Variants in RFC2 observed in about 807,000 individuals in gnomAD.
RFC2 encodes replication factor C subunit 2.
Under a neutral mutation model 44.8 loss-of-function variants are expected in RFC2, and 34 were observed. The observed-to-expected ratio is 0.76, with a 90% CI of 0.58 to 1.01. The LOEUF is 1.01. RFC2 is among the 50% of genes least tolerant of loss of function. RFC2 has a pLI of 0.00. For missense variants in RFC2, 400 were observed against 453.6 expected, an observed-to-expected ratio of 0.88 and a Z score of 1.07; for synonymous variants, 177 against 168.9, an observed-to-expected ratio of 1.05 and a Z score of -0.37.
intron 6 of RFC2, among the ~76,000 whole-genome samples, chr7:74,241,773 A>G (rs1432359900): frequency 6.6e-6 from 1 of 152,176 alleles, no homozygotes; most frequent in Non-Finnish European, 1.5e-5. Flanking sequence ...CAGCCTGGGC[A>G]ACATGGTGAA....
At chr7:74,234,297 T>G (rs1802887884) in intron 10 of RFC2, among the ~76,000 whole-genome samples, 1 of 152,010 alleles carries the variant, frequency 6.6e-6, no homozygotes, top group East Asian at 1.9e-4. Flanking sequence ...AGTTTCCAAG[T>G]GGTAGTCGGG....
At chr7:74,248,333 C>T (rs912414682) in intron 4 of RFC2, among the ~76,000 whole-genome samples, 3 of 151,812 alleles carry the variant, frequency 2.0e-5, no homozygotes, top group Non-Finnish European at 2.9e-5. Flanking sequence ...AGTGAGATCC[C>T]GTCTCCACAA....
chr7:74,243,166 T>C lies in RFC2; in HGVS notation c.515A>G (p.Asn172Ser), dbSNP rs782411584. ...SKTTRFALAC[N>S]ASDKIIEPIQ... is the part of the protein sequence containing the mutation. ...CTCACCGATGATCTTATCCGAAGCA[T>C]TACAAGCAAGGGCGAAGCGAGTGGT... The change falls in exon 6 of 11, where the codon AAT (asparagine) becomes AGT (serine). Residue 172 changes from asparagine to serine, a missense_variant. Physicochemically the swap from Asn to Ser is conservative, Grantham distance 46. Coordinates refer to ENST00000055077, the MANE Select transcript of RFC2 (RefSeq NM_181471.3). 2 of 1,613,428 alleles carry C rather than the reference T, an allele frequency of 1.2e-6. No homozygotes were observed. Among genetic ancestry groups the C allele is most frequent in the Admixed American group, 1.7e-5 (1 of 59,982 alleles).
intron 4 of RFC2, 62 bp downstream of exon 4, chr7:74,248,949 GT>G: frequency 1.7e-6 from 2 of 1,152,472 alleles, no homozygotes; most frequent in Non-Finnish European, 2.6e-6. Context: ...GAGAAAGGTT[GT>G]TTCTGTAACA....
intron 2 of RFC2, among the ~76,000 whole-genome samples, chr7:74,252,015 C>T (rs1413475097): frequency 7.1e-6 from 1 of 140,326 alleles, no homozygotes; most frequent in South Asian, 2.3e-4. Context: ...AGGAGAATGG[C>T]GTGAACCCAG....
chr7:74,231,870 G>C lies in RFC2; in HGVS notation c.*236C>G. 1 of 364,078 alleles carries C rather than the reference G, an allele frequency of 2.7e-6. No individual in the cohort carries two copies. Among genetic ancestry groups the C allele is most frequent in the Non-Finnish European group, 5.0e-6 (1 of 199,906 alleles). 22.6% of individuals were successfully genotyped at this position (364,078 alleles called of 1,614,324 possible). A position where few individuals can be genotyped will look rare whatever the true frequency, so the allele number is the denominator to read the frequency against. On this transcript the variant is annotated 3_prime_UTR_variant, in exon 11 of 11. Transcript: ENST00000055077. ...AATTTTTATATTTTTAGTAAAGACAGGGTTTCCCCATGTTGGCCAGGCTGG... is the reference window on the plus strand; with the variant it reads ...AATTTTTATATTTTTAGTAAAGACACGGTTTCCCCATGTTGGCCAGGCTGG...
intron 5 of RFC2, among the ~76,000 whole-genome samples, chr7:74,244,309 T>C (rs999373416): frequency 2.0e-5 from 3 of 151,284 alleles, no homozygotes; most frequent in Admixed American, 6.6e-5. Context: ...TATTAATATA[T>C]TCTAAATTTT....
Position 74,254,262 on chromosome 7 carries a change from G to C in RFC2, c.113+9C>G, listed in dbSNP as rs781934521. 6.2e-7 allele frequency: 1 copy of C among 1,600,322 alleles called. No individual in the cohort carries two copies. The highest frequency in any genetic ancestry group is 8.6e-7 in the Non-Finnish European group (1 of 1,168,324). ...AAACGCGCCCATTCTTTACGGCCTGGGACCTCACCACGGCAGTTCGTAGTG... is the reference window on the plus strand; with the variant it reads ...AAACGCGCCCATTCTTTACGGCCTGCGACCTCACCACGGCAGTTCGTAGTG... On this transcript the variant is annotated intron_variant, in intron 1 of 10. Coordinates refer to ENST00000055077, the MANE Select transcript of RFC2 (RefSeq NM_181471.3).
intron 2 of RFC2, among the ~76,000 whole-genome samples, chr7:74,251,028 C>G (rs1786908263): frequency 6.6e-6 from 1 of 152,190 alleles, no homozygotes; most frequent in Non-Finnish European, 1.5e-5. Flanking sequence ...CTTAGGTGAT[C>G]CACTCGCCTT....
chr7:74,243,075 C>T, intron 6 of RFC2, 71 bp downstream of exon 6: 1 of 977,796 alleles, frequency 1.0e-6, no homozygotes, highest in South Asian at 1.3e-5. Context: ...AGAGGGAGAC[C>T]ACATCTATAA....
intron 6 of RFC2, among the ~76,000 whole-genome samples, chr7:74,240,670 C>A (rs797030997): frequency 3.3e-5 from 5 of 152,332 alleles, no homozygotes; most frequent in African/African-American, 1.2e-4. Context: ...AGAAACACAT[C>A]CATGTGCCTG....
At chr7:74,244,955 C>T (rs782721219) in intron 5 of RFC2, among the ~76,000 whole-genome samples, 10 of 151,738 alleles carry the variant, frequency 6.6e-5, no homozygotes, top group African/African-American at 1.2e-4. Context: ...ATAGTGAGAC[C>T]CTGTCTCAAA....
rs1803156844 is a variant in RFC2 at position 74,238,772 on chromosome 7, G to A, written c.759+151C>T. 1 of 623,604 alleles carries A rather than the reference G, an allele frequency of 1.6e-6. No homozygotes were observed. The highest frequency in any genetic ancestry group is 2.9e-6 in the Non-Finnish European group (1 of 348,542). The allele number at this position is 623,604 out of a possible 1,614,324, so 38.6% of individuals were successfully genotyped here. A position where few individuals can be genotyped will look rare whatever the true frequency, so the allele number is the denominator to read the frequency against. On this transcript the variant is annotated intron_variant, in intron 8 of 10. Coordinates refer to ENST00000055077, the MANE Select transcript of RFC2 (RefSeq NM_181471.3). This position sits in a 1 kb window ranked among gnomAD's most constrained non-coding sequence, Gnocchi z 4.0. ...GCTTGTGCAGCAAAGCAGCAATAGGGAGAGGACAGACGGGAGCAGGGTGGG... is the reference window on the plus strand; with the variant it reads ...GCTTGTGCAGCAAAGCAGCAATAGGAAGAGGACAGACGGGAGCAGGGTGGG...
chr7:74,254,287 G>C lies in RFC2; in HGVS notation c.97C>G (p.His33Asp). 1 of 1,612,300 alleles carries C rather than the reference G, an allele frequency of 6.2e-7. No homozygotes were observed. The highest frequency in any genetic ancestry group is 8.5e-7 in the Non-Finnish European group (1 of 1,179,154). ...GGACCTCACCACGGCAGTTCGTAGT[G>C]GCCGGCGCTGCCGGGGGCCTTGCTG... ...AFSKAPGSAG[H>D]YELPWVEKYR... The change falls in exon 1 of 11, where the codon CAC (histidine) becomes GAC (aspartate). Residue 33 changes from histidine (H) to aspartate (D), a missense_variant. Transcript: ENST00000055077.
At position 74,232,773 on chromosome 7, in the gene RFC2, G is replaced by A. The variant is rs544522644; in HGVS notation, c.955-557C>T. Among the ~76,000 whole-genome samples the A allele has an allele frequency of 2.1e-3, 324 of 152,338 alleles. 1 individual carries two copies. The highest frequency in any genetic ancestry group is 0.014 in the Middle Eastern group (4 of 294). ...CCAGCTACTCGGGAGGCTGAGGCAG[G>A]AGAATCACTTAAACCTGGGAGGCGA... On this transcript the variant is annotated intron_variant, in intron 10 of 10. Transcript: ENST00000055077.
intron 2 of RFC2, 21 bp downstream of exon 2, chr7:74,252,408 A>G (rs782095039): frequency 6.2e-6 from 7 of 1,131,270 alleles, no homozygotes; most frequent in Middle Eastern, 2.4e-4. Flanking sequence ...CTCTGTCTCA[A>G]AAAAAAAAAA....
intron 6 of RFC2, 90 bp downstream of exon 6, chr7:74,243,056 C>T: frequency 1.2e-6 from 1 of 838,620 alleles, no homozygotes; most frequent in Non-Finnish European, 2.0e-6. Flanking sequence ...TGCACTCCAG[C>T]CTGAGCGAAG....
In RFC2 at chr7:74,240,027, G is replaced by T. The variant is rs1158384260; in HGVS notation, c.604C>A (p.Leu202Met). Residue 202 changes from leucine (L) to methionine (M), a missense_variant, in exon 7 of 11, where the codon CTG becomes ATG. By Grantham distance (15) the Leu-to-Met change is conservative. Coordinates refer to ENST00000055077, the MANE Select transcript of RFC2 (RefSeq NM_181471.3). ...CTCTCCTTCTCGATAACATTCATCA[G>T]CCTGGTGAGGATCTGGGCGTCGGTC... Reference protein sequence around the residue: ...KLTDAQILTRLMNVIEKERVP... With the variant: ...KLTDAQILTRMMNVIEKERVP... 8 of 1,613,940 alleles carry T rather than the reference G, an allele frequency of 5.0e-6. No homozygotes were observed. Among genetic ancestry groups the T allele is most frequent in the African/African-American group, 1.3e-5 (1 of 74,920 alleles).
At chr7:74,239,168 G>A (rs1375412659) in intron 7 of RFC2, among the ~76,000 whole-genome samples, 180 bp from the exon 8 acceptor site, 3 of 141,708 alleles carry the variant, frequency 2.1e-5, no homozygotes, top group Non-Finnish European at 4.6e-5. Context: ...GGCCAAGGGT[G>A]ACTTTTTTTT....
Sources: gnomAD v4.1 joint callset for allele counts (sites outside exome capture counted in the v4.1 genomes callset) on GRCh38, gnomAD v4.1.1 for gene constraint, Gnocchi (gnomAD v3.1) non-coding constraint, MANE v1.5 for transcripts, NCBI Gene and HGNC (gene_info 2026-07-23, HGNC 2026-07-21) for gene names.